Variants in ZBTB38 observed in about 807,000 individuals in gnomAD.
The protein encoded by ZBTB38 is zinc finger and BTB domain-containing protein 38.
In ZBTB38, 20 loss-of-function variants were observed where a neutral mutation model predicts 76.8. The ratio of observed to expected loss-of-function variants is 0.26; its 90% confidence interval spans 0.18 to 0.38. The LOEUF (loss-of-function observed/expected upper bound fraction) is 0.38, where lower values mean the gene tolerates loss of function less well. Among genes scored for constraint, ZBTB38 ranks in the 10% least tolerant of loss-of-function variants. The pLI is 1.00. For synonymous variants in ZBTB38, 504 were observed against 544.2 expected, an observed-to-expected ratio of 0.93 and a Z score of 1.03; for missense variants, 1,082 against 1,482.3, an observed-to-expected ratio of 0.73 and a Z score of 4.43.
chr3:141,352,715 C>T (rs928863061), intron 1 of ZBTB38, among the ~76,000 whole-genome samples: 1 of 152,060 alleles, frequency 6.6e-6, no homozygotes, highest in South Asian at 2.1e-4. Flanking sequence ...CACAAAGCAG[C>T]TCTCTAGGCA....
intron 5 of ZBTB38, among the ~76,000 whole-genome samples, chr3:141,440,985 G>A (rs1170074931): frequency 1.4e-5 from 2 of 140,024 alleles, no homozygotes; most frequent in Non-Finnish European, 3.0e-5. Context: ...AGTGAGCTGA[G>A]ATCATGCCAT....
chr3:141,400,409 A>T (rs1454854861), intron 4 of ZBTB38, among the ~76,000 whole-genome samples: 1 of 152,238 alleles, frequency 6.6e-6, no homozygotes, highest in East Asian at 1.9e-4. Flanking sequence ...GCCTCTTAGG[A>T]AACCCAGAGC....
intron 5 of ZBTB38, chr3:141,438,373 C>T: frequency 6.6e-6 from 1 of 152,530 alleles, no homozygotes; most frequent in Non-Finnish European, 1.5e-5. Flanking sequence ...CAGGTATGTG[C>T]CACCATGCCC....
intron 5 of ZBTB38, among the ~76,000 whole-genome samples, chr3:141,416,806 G>A (rs373681999): frequency 2.6e-5 from 4 of 152,172 alleles, no homozygotes; most frequent in Non-Finnish European, 5.9e-5. Flanking sequence ...TAAGCGTTAC[G>A]CAGCCACAGG....
chr3:141,339,066 GA>G (rs548351466), intron 1 of ZBTB38, among the ~76,000 whole-genome samples: 204 of 152,220 alleles, frequency 1.3e-3, no homozygotes, highest in Admixed American at 0.011. Flanking sequence ...CATTCAAGCA[GA>G]GACCTGAATG....
rs1430177864 is a variant in ZBTB38, at chr3:141,444,162, A to G, written c.1774A>G (p.Asn592Asp). Residue 592 changes from asparagine (N) to aspartate (D), a missense_variant, in exon 6 of 6, where the codon AAC (asparagine) becomes GAC (aspartate). Physicochemically the swap from Asn to Asp is conservative, Grantham distance 23 (BLOSUM62 1). This residue lies in a region of ZBTB38 where 471 missense variants were observed against 581.0 expected (regional missense o/e 0.81). Transcript: ENST00000321464. The surrounding 1 kb of genome is among the most constrained non-coding windows in gnomAD (Gnocchi z 5.1). ...RNSSYENARE[N>D]SQMNESAPGT... ...TTCTTCCTATGAAAATGCACGAGAA[A>G]ACAGTCAAATGAATGAGTCTGCACC... 3 of 1,613,964 alleles carry G rather than the reference A, an allele frequency of 1.9e-6. No individual in the cohort carries two copies. Among genetic ancestry groups the G allele is most frequent in the Non-Finnish European group, 2.5e-6 (3 of 1,179,970 alleles).
At chr3:141,426,174 T>C in intron 5 of ZBTB38, 1 of 1,289,374 alleles carries the variant, frequency 7.8e-7, no homozygotes, top group Non-Finnish European at 1.0e-6. Flanking sequence ...TGGTAAGCTG[T>C]TCCTTCATAG....
At chr3:141,326,129 A>C (rs542084295) in intron 1 of ZBTB38, among the ~76,000 whole-genome samples, 1 of 152,250 alleles carries the variant, frequency 6.6e-6, no homozygotes, top group Non-Finnish European at 1.5e-5. Flanking sequence ...AATAACAATA[A>C]TAATGATAAG....
Position 141,449,383 on chromosome 3 carries a change from A to G in ZBTB38, c.*3407A>G, listed in dbSNP as rs1345833727. 6.6e-6 allele frequency: 1 copy of G among 152,246 alleles called. No individual in the cohort carries two copies. Among genetic ancestry groups the G allele is most frequent in the African/African-American group, 2.4e-5 (1 of 41,466 alleles). The allele number at this position is 152,246 out of a possible 1,614,324, so 9.4% of individuals were successfully genotyped here. A position where few individuals can be genotyped will look rare whatever the true frequency, so the allele number is the denominator to read the frequency against. ...TCTCAGGAGATTGCCCTATAAAATC[A>G]GTAAAATTTGTGCACTTTTTTAAGG... is the stretch of plus-strand genomic sequence containing the variant. On this transcript the variant is annotated 3_prime_UTR_variant, in exon 6 of 6. Transcript: ENST00000321464.
chr3:141,372,471 A>T (rs1944763457), intron 2 of ZBTB38, among the ~76,000 whole-genome samples: 1 of 151,940 alleles, frequency 6.6e-6, no homozygotes, highest in Non-Finnish European at 1.5e-5. Flanking sequence ...CAACATGGTG[A>T]AACCCCATCT....
chr3:141,336,749 G>T (rs1943026009), intron 1 of ZBTB38, among the ~76,000 whole-genome samples: 1 of 152,212 alleles, frequency 6.6e-6, no homozygotes, highest in African/African-American at 2.4e-5. Context: ...CTATTATGTG[G>T]TGTGGGATTT....
rs934486325 is a variant in ZBTB38, at chr3:141,445,883, C to G, written c.3495C>G (p.Asn1165Lys). The G allele has an allele frequency of 6.2e-7, 1 of 1,611,682 alleles. No individual in the cohort carries two copies. Among genetic ancestry groups the G allele is most frequent in the Non-Finnish European group, 8.5e-7 (1 of 1,180,036 alleles). ...QEKIGDVCHE[N>K]SNPLENQHFI... ...AAATAGGTGACGTGTGCCACGAAAA[C>G]TCAAATCCCTTGGAGAATCAACATT... The change falls in exon 6 of 6, where the codon AAC (asparagine) becomes AAG (lysine). Residue 1165 changes from asparagine to lysine, a missense_variant. Physicochemically the swap from Asn to Lys is moderately conservative, Grantham distance 94. This residue lies in a region of ZBTB38 where 54 missense variants were observed against 57.9 expected (regional missense o/e 0.93). Coordinates refer to ENST00000321464, the MANE Select transcript of ZBTB38 (RefSeq NM_001376113.1). The surrounding 1 kb of genome is among the most constrained non-coding windows in gnomAD (Gnocchi z 6.5).
intron 2 of ZBTB38, among the ~76,000 whole-genome samples, chr3:141,373,196 A>G (rs1944886359): frequency 6.6e-6 from 1 of 152,268 alleles, no homozygotes; most frequent in Non-Finnish European, 1.5e-5. Context: ...CATTTCAAAA[A>G]AAGCATCAAA....
At chr3:141,436,546 G>A (rs932078845) in intron 5 of ZBTB38, among the ~76,000 whole-genome samples, 5 of 152,290 alleles carry the variant, frequency 3.3e-5, no homozygotes, top group African/African-American at 1.2e-4. Flanking sequence ...TGCCTAGGCT[G>A]GAATGCAGTG....
chr3:141,429,970 G>A (rs974317180), intron 5 of ZBTB38, among the ~76,000 whole-genome samples: 2 of 152,230 alleles, frequency 1.3e-5, no homozygotes, highest in Non-Finnish European at 2.9e-5. Flanking sequence ...GGAAGGGTCT[G>A]ATTTTATCCT....
intron 1 of ZBTB38, among the ~76,000 whole-genome samples, chr3:141,349,268 T>C (rs1435041663): frequency 6.6e-6 from 1 of 152,222 alleles, no homozygotes; most frequent in Non-Finnish European, 1.5e-5. Context: ...ACCAAGTAAT[T>C]ATAATGCAAG....
chr3:141,427,268 T>G (rs986319458), intron 5 of ZBTB38, among the ~76,000 whole-genome samples: 2 of 152,196 alleles, frequency 1.3e-5, no homozygotes, highest in Non-Finnish European at 2.9e-5. Context: ...TACTCTGTAG[T>G]AAAGGCACAG....
chr3:141,343,156 G>A (rs371993435), intron 1 of ZBTB38, among the ~76,000 whole-genome samples: 3 of 152,122 alleles, frequency 2.0e-5, no homozygotes, highest in Admixed American at 6.5e-5. Context: ...TTGCTGGATC[G>A]GAGGAAGTTT....
intron 5 of ZBTB38, among the ~76,000 whole-genome samples, chr3:141,422,418 G>C (rs1479526965): frequency 6.6e-6 from 1 of 152,196 alleles, no homozygotes; most frequent in Admixed American, 6.5e-5. Context: ...TCGCCACCAA[G>C]GCAAGGATGG....
Sources: allele counts gnomAD v4.1 joint callset (sites outside exome capture counted in the v4.1 genomes callset), GRCh38; gene constraint gnomAD v4.1.1; regional missense constraint gnomAD v4.1.1; non-coding constraint Gnocchi (gnomAD v3.1); transcripts MANE v1.5; gene names NCBI Gene and HGNC (gene_info 2026-07-23, HGNC 2026-07-21).